Variants in VWCE observed in about 807,000 individuals in gnomAD.
The protein encoded by VWCE is von Willebrand factor C and EGF domains.
A neutral mutation model predicts 102.9 loss-of-function variants in VWCE; 68 were observed. That is an observed-to-expected ratio of 0.66 (90% CI 0.54 to 0.81). The LOEUF (loss-of-function observed/expected upper bound fraction) is 0.81. Among genes scored for constraint, VWCE ranks in the 30% least tolerant of loss-of-function variants. The probability of loss-of-function intolerance (pLI) is 0.00; values close to 1 mark genes in which losing one functional copy is unlikely to be tolerated. For missense variants in VWCE, 1,137 were observed against 1,263.6 expected, an observed-to-expected ratio of 0.90 and a Z score of 1.52; for synonymous variants, 497 against 515.4, an observed-to-expected ratio of 0.96 and a Z score of 0.48.
rs1855623965 is a variant in VWCE, at chr11:61,294,852, C to A, written c.110+76G>T. On this transcript the variant is annotated intron_variant, in intron 1 of 19. Coordinates refer to ENST00000335613, the MANE Select transcript of VWCE (RefSeq NM_152718.2). The surrounding 1 kb of genome is among the most constrained non-coding windows in gnomAD (Gnocchi z 6.3). Reference sequence around the variant, plus strand: ...CGCGGCTGCCTGCGGCTCCTGAGCGCCCCTCCGCGCCTCTCGACTGCACGC... The same window carrying A: ...CGCGGCTGCCTGCGGCTCCTGAGCGACCCTCCGCGCCTCTCGACTGCACGC... The A allele has an allele frequency of 3.8e-6, 4 of 1,061,176 alleles. No individual in the cohort carries two copies. The highest frequency in any genetic ancestry group is 1.7e-5 in the African/African-American group (1 of 60,304). 65.7% of individuals were successfully genotyped at this position (1,061,176 alleles called of 1,614,324 possible).
chr11:61,287,055 C>A (rs1368784865), intron 4 of VWCE, among the ~76,000 whole-genome samples: 21 of 152,126 alleles, frequency 1.4e-4, no homozygotes, highest in Non-Finnish European at 1.2e-4. Flanking sequence ...CAAGATCGCA[C>A]CACTGCACTC....
intron 16 of VWCE, 90 bp from the exon 17 acceptor site, chr11:61,265,302 C>T: frequency 8.5e-7 from 1 of 1,176,156 alleles, no homozygotes. Flanking sequence ...CACTGAGTGT[C>T]CATCAGAACA....
Position 61,278,384 on chromosome 11 carries a change from T to C in VWCE, c.1407+10A>G. The C allele has an allele frequency of 6.2e-7, 1 of 1,614,084 alleles. No homozygotes were observed. Among genetic ancestry groups the C allele is most frequent in the East Asian group, 2.2e-5 (1 of 44,880 alleles). On this transcript the variant is annotated intron_variant, in intron 10 of 19. Transcript: ENST00000335613. The stretch of plus-strand genomic sequence containing the variant: ...CACCCACGAGGCTTTGAGGATCTTG[T>C]GACGCTTACCAGACAGACACAGACG...
At chr11:61,268,391 TA>T (rs1323122841) in intron 15 of VWCE, among the ~76,000 whole-genome samples, 2 of 151,942 alleles carry the variant, frequency 1.3e-5, no homozygotes, top group Non-Finnish European at 2.9e-5. Context: ...CCATCTCTAC[TA>T]AAAATACAAA....
Position 61,258,444 on chromosome 11 carries a change from C to G in VWCE, c.*231G>C, listed in dbSNP as rs570142905. 2.5e-6 allele frequency: 1 copy of G among 407,566 alleles called. No homozygotes were observed. The highest frequency in any genetic ancestry group is 4.1e-6 in the Non-Finnish European group (1 of 241,498). The allele number at this position is 407,566 out of a possible 1,614,324, so 25.2% of individuals were successfully genotyped here. ...TCAAAAGATGAGCCAGCCACGCGGT[C>G]CAGGGAGGATGCTGACAGTGGAAAC... On this transcript the variant is annotated 3_prime_UTR_variant, in exon 20 of 20. Transcript: ENST00000335613.
rs1357011692 is a variant in VWCE at position 61,295,043 on chromosome 11, G to A, written c.-6C>T. The A allele has an allele frequency of 7.3e-7, 1 of 1,362,736 alleles. No individual in the cohort carries two copies. The highest frequency in any genetic ancestry group is 9.5e-7 in the Non-Finnish European group (1 of 1,053,654). 84.4% of individuals were successfully genotyped at this position (1,362,736 alleles called of 1,614,324 possible). On this transcript the variant is annotated 5_prime_UTR_variant, in exon 1 of 20. Coordinates refer to ENST00000335613, the MANE Select transcript of VWCE (RefSeq NM_152718.2). This position sits in a 1 kb window ranked among gnomAD's most constrained non-coding sequence, Gnocchi z 4.6. The stretch of plus-strand genomic sequence containing the variant: ...AGGAGCAGTCCGGCCCACATGACCG[G>A]CGGCGGCGGGTCCCCCGGGCTGGGC...
chr11:61,277,742 G>A (rs1854971490), intron 10 of VWCE, among the ~76,000 whole-genome samples: 1 of 152,148 alleles, frequency 6.6e-6, no homozygotes, highest in Non-Finnish European at 1.5e-5. Flanking sequence ...AATAGGGGCA[G>A]TAAAGCTGAC....
chr11:61,271,615 C>T, intron 14 of VWCE, 60 bp downstream of exon 14: 3 of 1,530,248 alleles, frequency 2.0e-6, no homozygotes, highest in Non-Finnish European at 2.7e-6. Context: ...ACGCTTGTCT[C>T]CTCTGGGTGA....
Position 61,281,081 on chromosome 11 carries a change from C to T in VWCE, c.942G>A (p.Arg314=). 6.2e-7 allele frequency: 1 copy of T among 1,607,336 alleles called. No individual in the cohort carries two copies. The highest frequency in any genetic ancestry group is 1.1e-5 in the South Asian group (1 of 90,304). ...SGAPGPPAGV[R]TTRLPSPTPR... is the part of the protein sequence containing the mutation. ...GGGTGGGAGATGGCAGGCGGGTGGTCCTGACTCCGGCTGGGGGCCCTGGAG... is the reference window on the plus strand; with the variant it reads ...GGGTGGGAGATGGCAGGCGGGTGGTTCTGACTCCGGCTGGGGGCCCTGGAG... The change falls in exon 8 of 20, where the codon AGG becomes AGA. Residue 314 remains arginine (R), a synonymous_variant. Coordinates refer to ENST00000335613, the MANE Select transcript of VWCE (RefSeq NM_152718.2).
chr11:61,268,564 G>C (rs1854579928), intron 15 of VWCE, among the ~76,000 whole-genome samples: 1 of 152,076 alleles, frequency 6.6e-6, no homozygotes, highest in East Asian at 1.9e-4. Flanking sequence ...AAAAAAATAA[G>C]ATAAATTTTC....
intron 10 of VWCE, among the ~76,000 whole-genome samples, chr11:61,277,156 AAG>A (rs1168054128): frequency 2.2e-5 from 3 of 137,014 alleles, no homozygotes; most frequent in Admixed American, 1.4e-4. Context: ...AAGAAAGAAA[AAG>A]AGAGAAAAAA....
chr11:61,272,012 A>G (rs1854724326), intron 13 of VWCE, among the ~76,000 whole-genome samples: 1 of 152,232 alleles, frequency 6.6e-6, no homozygotes, highest in South Asian at 2.1e-4. Context: ...AGACATACAC[A>G]TACCGATACA....
rs551198557 is a variant in VWCE, at chr11:61,272,201, A to G, written c.1700-441T>C. Among the ~76,000 whole-genome samples, 71 of 152,228 alleles carry G rather than the reference A, an allele frequency of 4.7e-4. No homozygotes were observed. In the East Asian group the frequency reaches 0.011, roughly 23 times the overall value. ...CACAGACACACATGCACACAGACAC[A>G]CACATACTCATACAAATGCACATTT... is the stretch of plus-strand genomic sequence containing the variant. On this transcript the variant is annotated intron_variant, in intron 13 of 19. Coordinates refer to ENST00000335613, the MANE Select transcript of VWCE (RefSeq NM_152718.2).
At chr11:61,269,620 A>G (rs977848586) in intron 14 of VWCE, among the ~76,000 whole-genome samples, 3 of 150,550 alleles carry the variant, frequency 2.0e-5, no homozygotes, top group African/African-American at 7.3e-5. Flanking sequence ...TAATTTTTGT[A>G]TATTTAGTAG....
chr11:61,276,323 G>A (rs1192032118), intron 11 of VWCE, among the ~76,000 whole-genome samples: 3 of 151,914 alleles, frequency 2.0e-5, no homozygotes, highest in Non-Finnish European at 4.4e-5. Context: ...GCTCAGGCAG[G>A]AGAATCACTT....
chr11:61,287,568 C>T (rs1282521929), intron 4 of VWCE, among the ~76,000 whole-genome samples: 2 of 152,188 alleles, frequency 1.3e-5, no homozygotes, highest in African/African-American at 2.4e-5. Flanking sequence ...GCGCTGACTC[C>T]AGATGTTCAC....
chr11:61,270,981 C>A (rs1324129526), intron 14 of VWCE, among the ~76,000 whole-genome samples: 2 of 151,948 alleles, frequency 1.3e-5, no homozygotes, highest in African/African-American at 4.8e-5. Flanking sequence ...GTAGCTGGGA[C>A]CACAGGGGCA....
At chr11:61,291,824 T>G (rs1282339946) in intron 1 of VWCE, among the ~76,000 whole-genome samples, 1 of 152,126 alleles carries the variant, frequency 6.6e-6, no homozygotes, top group African/African-American at 2.4e-5. Flanking sequence ...CACAGCAGAG[T>G]GGCCAGGAGA....
intron 5 of VWCE, among the ~76,000 whole-genome samples, chr11:61,284,077 A>G (rs1203423447): frequency 1.3e-5 from 2 of 151,998 alleles, no homozygotes; most frequent in Non-Finnish European, 2.9e-5. Context: ...TCAAATCCCA[A>G]CTCTGGCTGG....
Sources: gnomAD v4.1 joint callset for allele counts (sites outside exome capture counted in the v4.1 genomes callset) on GRCh38, gnomAD v4.1.1 for gene constraint, Gnocchi (gnomAD v3.1) non-coding constraint, MANE v1.5 for transcripts, NCBI Gene and HGNC (gene_info 2026-07-23, HGNC 2026-07-21) for gene names.